Variants in ADCY2 observed in about 807,000 individuals in gnomAD.
ADCY2 encodes adenylate cyclase type 2.
ADCY2 carries 31 observed loss-of-function variants against 125.2 expected under a neutral mutation model. The observed-to-expected ratio is 0.25, with a 90% confidence interval of 0.19 to 0.33. ADCY2 has a LOEUF of 0.33. ADCY2 is among the 10% of genes least tolerant of loss of function. ADCY2 has a pLI of 1.00. For synonymous variants in ADCY2, 512 were observed against 548.4 expected (o/e 0.93, Z 0.93); for missense variants, 904 against 1,418.2 (o/e 0.64, Z 5.82).
At chr5:7,680,628 G>A (rs1740297466) in intron 4 of ADCY2, among the ~76,000 whole-genome samples, 3 of 152,194 alleles carry the variant, frequency 2.0e-5, no homozygotes, top group Non-Finnish European at 4.4e-5. Context: ...AACTTACTCA[G>A]ATTCAATAAG....
intron 3 of ADCY2, among the ~76,000 whole-genome samples, chr5:7,527,482 G>C (rs560604403): frequency 1.8e-4 from 27 of 152,038 alleles, no homozygotes; most frequent in African/African-American, 6.0e-4. Flanking sequence ...TTCATAGCAC[G>C]TTCTGAATTT....
chr5:7,550,986 A>G (rs1304010901), intron 3 of ADCY2, among the ~76,000 whole-genome samples: 4 of 152,058 alleles, frequency 2.6e-5, no homozygotes, highest in South Asian at 4.1e-4. Context: ...TTGACAACTC[A>G]CAAGGAGAGC....
At chr5:7,493,113 A>G (rs1041349504) in intron 2 of ADCY2, among the ~76,000 whole-genome samples, 1 of 152,154 alleles carries the variant, frequency 6.6e-6, no homozygotes, top group African/African-American at 2.4e-5. Flanking sequence ...TTGATGTAAG[A>G]GAAGGTCAAG....
intron 3 of ADCY2, among the ~76,000 whole-genome samples, chr5:7,564,069 G>A (rs141140488): frequency 6.6e-6 from 1 of 152,260 alleles, no homozygotes; most frequent in East Asian, 1.9e-4. Context: ...CAGATCATTT[G>A]TTTGAAGATT....
intron 3 of ADCY2, among the ~76,000 whole-genome samples, chr5:7,598,993 C>T (rs1737106947): frequency 6.6e-6 from 1 of 152,248 alleles, no homozygotes; most frequent in South Asian, 2.1e-4. Context: ...CATTGCCCCA[C>T]ATGTCCTGAC....
At chr5:7,458,653 A>T (rs1012224055) in intron 2 of ADCY2, among the ~76,000 whole-genome samples, 7 of 152,184 alleles carry the variant, frequency 4.6e-5, no homozygotes, top group African/African-American at 1.7e-4. Context: ...TACAAGAAAA[A>T]GTCTCTTCCC....
chr5:7,423,032 C>T (rs985594689), intron 2 of ADCY2, among the ~76,000 whole-genome samples: 1 of 152,072 alleles, frequency 6.6e-6, no homozygotes, highest in South Asian at 2.1e-4. Flanking sequence ...CTGCTGTGTG[C>T]CAGGATGATT....
At chr5:7,416,449 A>C (rs1739949642) in intron 2 of ADCY2, among the ~76,000 whole-genome samples, 1 of 152,078 alleles carries the variant, frequency 6.6e-6, no homozygotes, top group African/African-American at 2.4e-5. Flanking sequence ...TGTGCTCCTG[A>C]TGCCACTTAC....
chr5:7,717,050 C>T (rs942779035), intron 11 of ADCY2, 107 bp from the exon 12 acceptor site: 2 of 673,326 alleles, frequency 3.0e-6, no homozygotes, highest in Non-Finnish European at 5.2e-6. Flanking sequence ...AACAAAATGT[C>T]ATCTGTATCT....
At chr5:7,415,835 T>C (rs1739919798) in intron 2 of ADCY2, among the ~76,000 whole-genome samples, 1 of 152,154 alleles carries the variant, frequency 6.6e-6, no homozygotes, top group Non-Finnish European at 1.5e-5. Context: ...GGGACAGGCC[T>C]AGGCTGAGAT....
At chr5:7,595,167 C>T (rs1369421061) in intron 3 of ADCY2, among the ~76,000 whole-genome samples, 1 of 152,162 alleles carries the variant, frequency 6.6e-6, no homozygotes, top group African/African-American at 2.4e-5. Flanking sequence ...CACCTGATCA[C>T]ACCCCAGTGC....
At chr5:7,482,858 T>A (rs907173253) in intron 2 of ADCY2, among the ~76,000 whole-genome samples, 6 of 150,622 alleles carry the variant, frequency 4.0e-5, no homozygotes, top group Non-Finnish European at 5.9e-5. Context: ...GATAATTAAA[T>A]CCTCTCATTT....
At chr5:7,702,236 T>G (rs911636872) in intron 7 of ADCY2, among the ~76,000 whole-genome samples, 1 of 151,482 alleles carries the variant, frequency 6.6e-6, no homozygotes, top group African/African-American at 2.4e-5. Context: ...TTTTTTTTTT[T>G]TTTTTTTTAA....
At chr5:7,756,993 G>T (rs1743012925) in intron 15 of ADCY2, among the ~76,000 whole-genome samples, 1 of 152,186 alleles carries the variant, frequency 6.6e-6, no homozygotes, top group South Asian at 2.1e-4. Context: ...TAAGTCTGTG[G>T]CCTGGGCTGT....
At chr5:7,528,723 T>G (rs938475142) in intron 3 of ADCY2, among the ~76,000 whole-genome samples, 1 of 152,256 alleles carries the variant, frequency 6.6e-6, no homozygotes, top group African/African-American at 2.4e-5. Flanking sequence ...CACTCACTAA[T>G]GTTTCACTTG....
chr5:7,635,360 G>A (rs756146006), intron 4 of ADCY2, among the ~76,000 whole-genome samples: 5 of 152,040 alleles, frequency 3.3e-5, no homozygotes, highest in African/African-American at 1.2e-4. Flanking sequence ...GGGTGAGAGT[G>A]GACAGATTTA....
In ADCY2 at chr5:7,709,420, CT is replaced by C. The variant is rs1561180751; in HGVS notation, c.1578+34del. 1 of 1,523,458 alleles carries C rather than the reference CT, an allele frequency of 6.6e-7. No homozygotes were observed. Among genetic ancestry groups the C allele is most frequent in the South Asian group, 1.3e-5 (1 of 78,312 alleles). The allele number at this position is 1,523,458 out of a possible 1,614,324, so 94.4% of individuals were successfully genotyped here. A position where few individuals can be genotyped will look rare whatever the true frequency, so the allele number is the denominator to read the frequency against. On this transcript the variant is annotated intron_variant, in intron 10 of 24. Transcript: ENST00000338316. The surrounding 1 kb of genome is among the most constrained non-coding windows in gnomAD (Gnocchi z 4.4). Reference sequence around the variant, plus strand: ...CTCCCCTGCCTCCAATGCCTGAGCACTGGGGGAAAGCTAACTTCCCAAAACC... The same window carrying C: ...CTCCCCTGCCTCCAATGCCTGAGCACGGGGGAAAGCTAACTTCCCAAAACC...
intron 2 of ADCY2, among the ~76,000 whole-genome samples, chr5:7,517,964 A>G (rs1423135082): frequency 6.6e-6 from 1 of 152,222 alleles, no homozygotes; most frequent in African/African-American, 2.4e-5. Context: ...TATTCATTTA[A>G]TACCTGTTGT....
In ADCY2 at chr5:7,826,958, A is replaced by C; in HGVS notation, c.*87A>C. 1 of 1,485,256 alleles carries C rather than the reference A, an allele frequency of 6.7e-7. No individual in the cohort carries two copies. The highest frequency in any genetic ancestry group is 9.1e-7 in the Non-Finnish European group (1 of 1,101,228). The allele number at this position is 1,485,256 out of a possible 1,614,324, so 92.0% of individuals were successfully genotyped here. A position where few individuals can be genotyped will look rare whatever the true frequency, so the allele number is the denominator to read the frequency against. ...CTGCAACTTCTGTCCCTTGTTTTTG[A>C]TGTGCGTGCTGTCTGTCCTATGGAG... On this transcript the variant is annotated 3_prime_UTR_variant, in exon 25 of 25. Transcript: ENST00000338316.
Sources: gnomAD v4.1 joint callset for allele counts (sites outside exome capture counted in the v4.1 genomes callset) on GRCh38, gnomAD v4.1.1 for gene constraint, Gnocchi (gnomAD v3.1) non-coding constraint, MANE v1.5 for transcripts, NCBI Gene and HGNC (gene_info 2026-07-23, HGNC 2026-07-21) for gene names.